PTPRD: variants seen among roughly 807,000 people sequenced by gnomAD.
PTPRD encodes receptor-type tyrosine-protein phosphatase delta.
In PTPRD, 34 loss-of-function variants were observed where a neutral mutation model predicts 214.5. The observed-to-expected ratio is 0.16, with a 90% CI of 0.12 to 0.21. The LOEUF is 0.21. Ranked by LOEUF, PTPRD falls within the 10% of genes least tolerant of loss-of-function variation. PTPRD has a pLI of 1.00. For missense variants in PTPRD, 2,545 were observed against 2,398.7 expected (o/e 1.06, Z -1.27); for synonymous variants, 1,128 against 845.7 (o/e 1.33, Z -5.79).
chr9:9,317,632 T>G (rs370499366), intron 9 of PTPRD, among the ~76,000 whole-genome samples: 13 of 152,102 alleles, frequency 8.5e-5, no homozygotes, highest in African/African-American at 2.4e-4. Flanking sequence ...TACTCCACAT[T>G]GATGCTGATG....
chr9:8,532,050 G>A (rs2075827080), intron 14 of PTPRD, among the ~76,000 whole-genome samples: 1 of 152,014 alleles, frequency 6.6e-6, no homozygotes, highest in African/African-American at 2.4e-5. Context: ...GACAGAAAAT[G>A]TAAAGAGCGT....
At chr9:10,172,687 TG>T (rs2099217597) in intron 3 of PTPRD, among the ~76,000 whole-genome samples, 1 of 152,188 alleles carries the variant, frequency 6.6e-6, no homozygotes, top group South Asian at 2.1e-4. Context: ...TGACAGAAGT[TG>T]GGAACGTTTC....
intron 9 of PTPRD, among the ~76,000 whole-genome samples, chr9:9,252,729 C>T (rs1455819784): frequency 1.3e-5 from 2 of 152,044 alleles, no homozygotes; most frequent in Non-Finnish European, 2.9e-5. Flanking sequence ...GATGCAGTCA[C>T]CTCCACCTTC....
At chr9:10,493,569 C>A (rs895507013) in intron 2 of PTPRD, among the ~76,000 whole-genome samples, 3 of 152,010 alleles carry the variant, frequency 2.0e-5, no homozygotes, top group Admixed American at 6.6e-5. Flanking sequence ...AAACTGGACC[C>A]CTTCCTTACA....
chr9:9,428,805 T>G (rs987826427), intron 8 of PTPRD, among the ~76,000 whole-genome samples: 3 of 152,166 alleles, frequency 2.0e-5, no homozygotes, highest in African/African-American at 7.2e-5. Flanking sequence ...GAATGACTAC[T>G]GGGTACATAA....
intron 5 of PTPRD, among the ~76,000 whole-genome samples, chr9:9,810,502 T>C (rs1409860387): frequency 2.0e-5 from 3 of 152,004 alleles, no homozygotes; most frequent in Admixed American, 1.3e-4. Flanking sequence ...TTAAATCTAC[T>C]CTGTCGGTGC....
At chr9:9,984,413 G>T (rs1034248036) in intron 4 of PTPRD, among the ~76,000 whole-genome samples, 2 of 152,208 alleles carry the variant, frequency 1.3e-5, no homozygotes, top group African/African-American at 4.8e-5. Flanking sequence ...TGGAGAAGAT[G>T]TAGTTGTAAC....
At chr9:8,818,193 A>C (rs1293631736) in intron 11 of PTPRD, among the ~76,000 whole-genome samples, 5 of 148,054 alleles carry the variant, frequency 3.4e-5, no homozygotes, top group Admixed American at 6.9e-5. Flanking sequence ...GGAAAATATC[A>C]CTTTAATTGA....
intron 4 of PTPRD, among the ~76,000 whole-genome samples, chr9:9,958,428 G>C (rs1404739942): frequency 6.6e-6 from 1 of 152,134 alleles, no homozygotes; most frequent in African/African-American, 2.4e-5. Flanking sequence ...CTACTAGGGA[G>C]ACTGAGGCAG....
intron 10 of PTPRD, among the ~76,000 whole-genome samples, chr9:9,180,675 A>G (rs1165024892): frequency 6.6e-6 from 1 of 152,102 alleles, no homozygotes; most frequent in African/African-American, 2.4e-5. Flanking sequence ...ACATACTACA[A>G]AAGGAAAGAA....
At chr9:9,505,108 G>T (rs1471869263) in intron 8 of PTPRD, among the ~76,000 whole-genome samples, 1 of 151,456 alleles carries the variant, frequency 6.6e-6, no homozygotes, top group African/African-American at 2.4e-5. Context: ...TTGCCCTTCT[G>T]GACTTTTCTG....
intron 5 of PTPRD, among the ~76,000 whole-genome samples, chr9:9,882,912 T>C (rs558247420): frequency 4.3e-4 from 65 of 152,252 alleles, no homozygotes; most frequent in African/African-American, 1.5e-3. Flanking sequence ...ACATGAGTTT[T>C]GGTTGTTGAA....
intron 11 of PTPRD, among the ~76,000 whole-genome samples, chr9:8,974,421 A>G (rs1439415111): frequency 6.6e-6 from 1 of 152,012 alleles, no homozygotes; most frequent in African/African-American, 2.4e-5. Context: ...ATTATACTTT[A>G]AATTCTGGGA....
intron 11 of PTPRD, among the ~76,000 whole-genome samples, chr9:9,010,083 T>C (rs762429027): frequency 1.3e-5 from 2 of 152,168 alleles, no homozygotes; most frequent in Non-Finnish European, 2.9e-5. Context: ...TGTGAATGGT[T>C]AGAAAATCAT....
At chr9:9,838,029 T>C (rs1037098974) in intron 5 of PTPRD, among the ~76,000 whole-genome samples, 34 of 152,182 alleles carry the variant, frequency 2.2e-4, no homozygotes, top group African/African-American at 8.2e-4. Flanking sequence ...TTTGGTTTTG[T>C]GTCCTTGCGA....
chr9:10,217,763 T>C (rs7865023), intron 3 of PTPRD, among the ~76,000 whole-genome samples: 14,228 of 151,948 alleles, frequency 0.094, 1,485 homozygotes, highest in East Asian at 0.34. Context: ...GCCCAGGCCA[T>C]TGGGAGTTAA....
chr9:8,485,410 C>G (rs187723424), intron 28 of PTPRD, 86 bp from the exon 29 acceptor site: 8 of 882,878 alleles, frequency 9.1e-6, no homozygotes, highest in African/African-American at 6.8e-5. Flanking sequence ...GGGGCTTATG[C>G]TAGATGCTGT....
At chr9:8,771,050 G>A (rs185753719) in intron 11 of PTPRD, among the ~76,000 whole-genome samples, 16 of 151,798 alleles carry the variant, frequency 1.1e-4, no homozygotes, top group East Asian at 3.9e-4. Flanking sequence ...GCGTGGTGGC[G>A]GGCACCTGTA....
chr9:9,150,957 G>C (rs1340412428), intron 10 of PTPRD, among the ~76,000 whole-genome samples: 2 of 152,142 alleles, frequency 1.3e-5, no homozygotes, highest in Non-Finnish European at 2.9e-5. Flanking sequence ...TGAGATAGAA[G>C]TACCTGCTGA....
Sources: gnomAD v4.1 joint callset for allele counts (sites outside exome capture counted in the v4.1 genomes callset) on GRCh38, gnomAD v4.1.1 for gene constraint, MANE v1.5 for transcripts, NCBI Gene and HGNC (gene_info 2026-07-23, HGNC 2026-07-21) for gene names.